SLCO3A1: variants seen among roughly 807,000 people sequenced by gnomAD.
The protein encoded by SLCO3A1 is solute carrier organic anion transporter family member 3A1.
In SLCO3A1, 27 loss-of-function variants were observed where a neutral mutation model predicts 63.1. The observed-to-expected ratio is 0.43, with a 90% CI of 0.32 to 0.59. SLCO3A1 has a LOEUF of 0.59. Among genes scored for constraint, SLCO3A1 ranks in the 20% least tolerant of loss-of-function variants. SLCO3A1 has a pLI of 0.09. For synonymous variants in SLCO3A1, 473 were observed against 409.9 expected, an observed-to-expected ratio of 1.15 and a Z score of -1.86; for missense variants, 773 against 945.8, an observed-to-expected ratio of 0.82 and a Z score of 2.40.
At chr15:91,896,549 T>G (rs553282743) in intron 1 of SLCO3A1, among the ~76,000 whole-genome samples, 1 of 152,274 alleles carries the variant, frequency 6.6e-6, no homozygotes, top group African/African-American at 2.4e-5. Flanking sequence ...GTTCTCGTGA[T>G]AGTGAATAAG....
chr15:92,171,573 T>C (rs888882473), intron 10 of SLCO3A1: 2 of 534,718 alleles, frequency 3.7e-6, no homozygotes, highest in East Asian at 3.1e-5. Flanking sequence ...GAAAGGATAT[T>C]TGGCCTTCAA....
At chr15:91,864,323 C>T (rs1897115350) in intron 1 of SLCO3A1, among the ~76,000 whole-genome samples, 1 of 152,132 alleles carries the variant, frequency 6.6e-6, no homozygotes, top group Non-Finnish European at 1.5e-5. Flanking sequence ...CCCTCCGGAG[C>T]CAGCTCACAT....
chr15:92,113,571 T>C (rs1277364824), intron 4 of SLCO3A1, among the ~76,000 whole-genome samples: 1 of 152,126 alleles, frequency 6.6e-6, no homozygotes, highest in African/African-American at 2.4e-5. Flanking sequence ...TCTCTCAAAC[T>C]TGCAAAGAGA....
intron 1 of SLCO3A1, among the ~76,000 whole-genome samples, chr15:91,902,559 A>C (rs1898187142): frequency 6.6e-6 from 1 of 151,996 alleles, no homozygotes; most frequent in Non-Finnish European, 1.5e-5. Flanking sequence ...CTGCCAACCT[A>C]CATGGGAGTA....
At chr15:91,858,645 C>G (rs976536742) in intron 1 of SLCO3A1, among the ~76,000 whole-genome samples, 2 of 152,216 alleles carry the variant, frequency 1.3e-5, no homozygotes, top group Admixed American at 1.3e-4. Context: ...AGTGGCACCG[C>G]CTTGCTAATC....
intron 2 of SLCO3A1, among the ~76,000 whole-genome samples, chr15:92,027,540 C>T (rs912039378): frequency 2.0e-5 from 3 of 152,196 alleles, no homozygotes; most frequent in Admixed American, 1.3e-4. Flanking sequence ...TCGTCTTCAC[C>T]CGTGCTTTGG....
Position 92,018,094 on chromosome 15 carries a change from C to T in SLCO3A1, c.647-76787C>T, listed in dbSNP as rs868529351. On this transcript the variant is annotated intron_variant, in intron 2 of 9. Transcript: ENST00000318445. ...GTTGAGGGCTGGGCTGTGGCTGATG[C>T]GTACCCGAGTACAAGGGACTGAGAT... 2.6e-5 allele frequency among the ~76,000 whole-genome samples: 4 copies of T among 152,146 alleles called. No homozygotes were observed. The South Asian group carries it at 6.2e-4, about 24-fold the overall frequency.
chr15:91,891,337 G>A (rs1897865669), intron 1 of SLCO3A1, among the ~76,000 whole-genome samples: 1 of 152,186 alleles, frequency 6.6e-6, no homozygotes, highest in Non-Finnish European at 1.5e-5. Flanking sequence ...TTTCTTCCAG[G>A]GCAGCCTGCA....
chr15:92,053,339 A>G (rs1457756107), intron 2 of SLCO3A1, among the ~76,000 whole-genome samples: 1 of 152,208 alleles, frequency 6.6e-6, no homozygotes, highest in Non-Finnish European at 1.5e-5. Flanking sequence ...TGAGGATAGC[A>G]CAGAGAGTTC....
intron 2 of SLCO3A1, among the ~76,000 whole-genome samples, chr15:92,005,605 A>AGT (rs2046303757): frequency 6.6e-6 from 1 of 152,132 alleles, no homozygotes; most frequent in South Asian, 2.1e-4. Flanking sequence ...TGTTTAAAGG[A>AGT]GTGCTTGGAA....
rs1283788670 is a variant in SLCO3A1 at position 92,163,048 on chromosome 15, T to G, written c.2046T>G (p.Pro682=). ...CCCTAGACAACCTGGGGAGGGACCC[T>G]GTGCCCGCAAACCAGACACATAGGA... ...TLTLDNLGRD[P]VPANQTHRTK... Residue 682 remains proline (P), a synonymous_variant, in exon 10 of 10, where the codon CCT becomes CCG. Transcript: ENST00000318445. The G allele has an allele frequency of 2.5e-6, 4 of 1,584,956 alleles. No individual in the cohort carries two copies. The East Asian group carries it at 6.7e-5, about 27-fold the overall frequency.
intron 4 of SLCO3A1, among the ~76,000 whole-genome samples, chr15:92,112,863 C>T (rs772629571): frequency 3.9e-5 from 6 of 152,218 alleles, no homozygotes; most frequent in African/African-American, 7.2e-5. Flanking sequence ...TCGGGTATTT[C>T]ACCCCCACTG....
chr15:92,022,154 C>T (rs1033515877), intron 2 of SLCO3A1, among the ~76,000 whole-genome samples: 2 of 152,182 alleles, frequency 1.3e-5, no homozygotes, highest in African/African-American at 4.8e-5. Flanking sequence ...CCAGGAAATT[C>T]CCGGCTTTAA....
At chr15:92,031,256 G>T (rs2046645044) in intron 2 of SLCO3A1, among the ~76,000 whole-genome samples, 1 of 152,140 alleles carries the variant, frequency 6.6e-6, no homozygotes, top group Non-Finnish European at 1.5e-5. Flanking sequence ...TTTTTTCAAA[G>T]AGATGACTCA....
At chr15:92,135,054 G>A (rs1403474343) in intron 7 of SLCO3A1, among the ~76,000 whole-genome samples, 1 of 152,216 alleles carries the variant, frequency 6.6e-6, no homozygotes, top group Non-Finnish European at 1.5e-5. Flanking sequence ...GAAGGGTAGT[G>A]GGTGTTTGGT....
At chr15:91,866,627 A>G (rs1897173142) in intron 1 of SLCO3A1, among the ~76,000 whole-genome samples, 2 of 151,856 alleles carry the variant, frequency 1.3e-5, no homozygotes, top group Admixed American at 6.6e-5. Flanking sequence ...CTGCCAAACT[A>G]ATTAACTTCG....
At chr15:92,003,054 A>G (rs1471800627) in intron 2 of SLCO3A1, among the ~76,000 whole-genome samples, 1 of 152,114 alleles carries the variant, frequency 6.6e-6, no homozygotes, top group African/African-American at 2.4e-5. Context: ...TTAAAATTAC[A>G]TTGCCCGCCT....
At position 91,918,881 on chromosome 15, in the gene SLCO3A1, T is replaced by C. The variant is rs185724742; in HGVS notation, c.646+2423T>C. Among the ~76,000 whole-genome samples the C allele has an allele frequency of 6.6e-5, 10 of 152,378 alleles. No individual in the cohort carries two copies. In the East Asian group the frequency reaches 1.7e-3, roughly 26 times the overall value. On this transcript the variant is annotated intron_variant, in intron 2 of 9. Coordinates refer to ENST00000318445, the MANE Select transcript of SLCO3A1 (RefSeq NM_013272.4). ...ATCCATCGGGGAGGAATAACATGTG[T>C]ACCCCTGGTTCCAGCTCCTGCAGAG...
At chr15:92,125,113 C>A (rs867273199) in intron 5 of SLCO3A1, among the ~76,000 whole-genome samples, 2 of 152,240 alleles carry the variant, frequency 1.3e-5, no homozygotes, top group South Asian at 4.1e-4. Flanking sequence ...ATTATATTTT[C>A]TCACCCCAAT....
Sources: gnomAD v4.1 joint callset for allele counts (sites outside exome capture counted in the v4.1 genomes callset) on GRCh38, gnomAD v4.1.1 for gene constraint, MANE v1.5 for transcripts, NCBI Gene and HGNC (gene_info 2026-07-23, HGNC 2026-07-21) for gene names.